CYLC2: variants seen among roughly 807,000 people sequenced by gnomAD.
CYLC2 encodes cylicin 2.
A neutral mutation model predicts 26.1 loss-of-function variants in CYLC2; 30 were observed. The ratio of observed to expected loss-of-function variants is 1.15; its 90% CI spans 0.86 to 1.56. CYLC2 has a LOEUF of 1.56. Among genes scored for constraint, CYLC2 ranks in the 40% most tolerant of loss-of-function variants. The probability of loss-of-function intolerance (pLI) is 0.00; values close to 1 mark genes in which losing one functional copy is unlikely to be tolerated. For missense variants in CYLC2, 498 were observed against 394.4 expected (o/e 1.26, Z -2.23); for synonymous variants, 158 against 132.8 (o/e 1.19, Z -1.31).
Position 103,005,496 on chromosome 9 carries a change from A to C in CYLC2, c.865A>C (p.Lys289Gln), listed in dbSNP as rs1829335641. The C allele has an allele frequency of 1.2e-6, 2 of 1,613,556 alleles. No individual in the cohort carries two copies. Among genetic ancestry groups the C allele is most frequent in the Non-Finnish European group, 1.7e-6 (2 of 1,179,816 alleles). ...STDSDSKDDV[K>Q]KESKKDATKD... ...AGACAGTGACTCAAAGGATGATGTC[A>C]AGAAAGAGTCTAAGAAGGACGCCAC... The change falls in exon 5 of 8, where the codon AAG becomes CAG. Residue 289 changes from lysine to glutamine, a missense_variant. Physicochemically the swap from Lys to Gln is moderately conservative, Grantham distance 53 (BLOSUM62 1). Transcript: ENST00000374798.
intron 1 of CYLC2, among the ~76,000 whole-genome samples, chr9:102,996,607 C>G (rs540440262): frequency 1.3e-5 from 2 of 152,038 alleles, no homozygotes; most frequent in African/African-American, 4.8e-5. Context: ...CAAGTGACAG[C>G]TCCCAATTCA....
rs866398500 is a variant in CYLC2, at chr9:103,013,206, T to A, written c.*816+1109T>A. Among the ~76,000 whole-genome samples, 637 of 131,326 alleles carry A rather than the reference T, an allele frequency of 4.9e-3. 7 individuals are homozygous for A. Among genetic ancestry groups the A allele is most frequent in the African/African-American group, 0.017 (596 of 35,468 alleles). The allele number at this position is 131,326 out of a possible 152,430, so 86.2% of individuals were successfully genotyped here. ...ATATATTATATATAACATATTAATG[T>A]TATATATTAATATGTATATTATAAA... On this transcript the variant is annotated intron_variant, in intron 6 of 7. Transcript: ENST00000374798.
chr9:103,001,388 T>C (rs1283527915), intron 1 of CYLC2, among the ~76,000 whole-genome samples, 190 bp from the exon 2 acceptor site: 1 of 151,814 alleles, frequency 6.6e-6, no homozygotes, highest in African/African-American at 2.4e-5. Context: ...TTTAGTACTG[T>C]TGTAATTTGA....
At chr9:103,010,164 A>C (rs1317046949) in intron 5 of CYLC2, among the ~76,000 whole-genome samples, 1 of 152,044 alleles carries the variant, frequency 6.6e-6, no homozygotes, top group Non-Finnish European at 1.5e-5. Context: ...GAATTTACTG[A>C]AAAAGTGCAT....
chr9:103,014,651 C>T (rs1829472470), intron 6 of CYLC2, among the ~76,000 whole-genome samples: 1 of 140,666 alleles, frequency 7.1e-6, no homozygotes, highest in African/African-American at 2.6e-5. Flanking sequence ...GTATATTATG[C>T]AGTATACACC....
rs1829279726 is a variant in CYLC2 at position 103,000,707 on chromosome 9, C to A, written c.18-871C>A. Among the ~76,000 whole-genome samples the A allele has an allele frequency of 3.3e-5, 5 of 151,978 alleles. No individual in the cohort carries two copies. In the South Asian group the frequency reaches 1.0e-3, roughly 32 times the overall value. On this transcript the variant is annotated intron_variant, in intron 1 of 7. Coordinates refer to ENST00000374798, the MANE Select transcript of CYLC2 (RefSeq NM_001340.5). ...AGATACTGCTTTTCTATGCTTAAACCTTAAGTTTTACACGCTGTCAAATAA... is the reference window on the plus strand; with the variant it reads ...AGATACTGCTTTTCTATGCTTAAACATTAAGTTTTACACGCTGTCAAATAA...
At position 103,003,102 on chromosome 9, in the gene CYLC2, T is replaced by A. The variant is rs1176811789; in HGVS notation, c.59-40T>A. 15 of 1,608,480 alleles carry A rather than the reference T, an allele frequency of 9.3e-6. No homozygotes were observed. The Admixed American group carries it at 1.7e-4, about 18-fold the overall frequency. On this transcript the variant is annotated intron_variant, in intron 2 of 7. Coordinates refer to ENST00000374798, the MANE Select transcript of CYLC2 (RefSeq NM_001340.5). ...TGCCATTTCAGCTCTGATGGAATTC[T>A]ATTCACTCCAAAATGTGTTTTTTGT...
In CYLC2 at chr9:103,015,349, TTATA is replaced by T. The variant is rs1225398516; in HGVS notation, c.*817-1534_*817-1531del. On this transcript the variant is annotated intron_variant, in intron 6 of 7. Transcript: ENST00000374798. ...TATACAATATATTATGTTATATATA[TTATA>T]TATAATCATATTATATAATGTAATA... is the stretch of plus-strand genomic sequence containing the variant. 4.7e-5 allele frequency among the ~76,000 whole-genome samples: 6 copies of T among 127,484 alleles called. No homozygotes were observed. In the East Asian group the frequency reaches 1.1e-3, roughly 23 times the overall value. The allele number at this position is 127,484 out of a possible 152,430, so 83.6% of individuals were successfully genotyped here. A position where few individuals can be genotyped will look rare whatever the true frequency, so the allele number is the denominator to read the frequency against.
rs776460013 is a variant in CYLC2 at position 103,011,947 on chromosome 9, C to CTTTTTTTTT, written c.*701-16_*701-8dup. ...AACTTGCTAATACTTAGATCATTCT[C>CTTTTTTTTT]TTTTTTTTTTTTTTTTTTTTTTTTT... On this transcript the variant is annotated intron_variant, in intron 5 of 7. Transcript: ENST00000374798. 2.5e-4 allele frequency: 16 copies of CTTTTTTTTT among 64,124 alleles called. 2 individuals carry two copies. Among genetic ancestry groups the CTTTTTTTTT allele is most frequent in the East Asian group, 1.0e-3 (2 of 1,936 alleles). The allele number at this position is 64,124 out of a possible 1,614,324, so 4.0% of individuals were successfully genotyped here.
At chr9:103,000,063 CAT>C (rs1829272904) in intron 1 of CYLC2, among the ~76,000 whole-genome samples, 1 of 151,666 alleles carries the variant, frequency 6.6e-6, no homozygotes, top group African/African-American at 2.4e-5. Context: ...TGATTTTAAA[CAT>C]TTTTTATAAT....
chr9:103,014,975 G>A (rs1396019815), intron 6 of CYLC2, among the ~76,000 whole-genome samples: 3 of 127,502 alleles, frequency 2.4e-5, no homozygotes, highest in Non-Finnish European at 4.9e-5. Flanking sequence ...ATATTATGTA[G>A]TATACATAAT....
In CYLC2 at chr9:103,006,017, GACACACAC is replaced by G. The variant is rs201304746; in HGVS notation, c.*387_*394del. ...TGAAGATAATGACACTAAATCTATG[GACACACAC>G]ACACACACACACACACACACACACA... On this transcript the variant is annotated 3_prime_UTR_variant, in exon 5 of 8. Coordinates refer to ENST00000374798, the MANE Select transcript of CYLC2 (RefSeq NM_001340.5). 5,353 of 119,910 alleles carry G rather than the reference GACACACAC, an allele frequency of 0.045. 143 individuals are homozygous for G. The highest frequency in any genetic ancestry group is 0.058 in the East Asian group (255 of 4,388). The allele number at this position is 119,910 out of a possible 1,614,324, so 7.4% of individuals were successfully genotyped here.
chr9:103,016,887 G>A lies in CYLC2; in HGVS notation c.*817-1G>A, dbSNP rs1051206305. 1.3e-5 allele frequency: 2 copies of A among 151,934 alleles called. No individual in the cohort carries two copies. The highest frequency in any genetic ancestry group is 4.8e-5 in the African/African-American group (2 of 41,426). 9.4% of individuals were successfully genotyped at this position (151,934 alleles called of 1,614,324 possible). The stretch of plus-strand genomic sequence containing the variant: ...AGAGATAAACTTTTTGTTTTTGAAA[G>A]GGAAGGAAAATAGCTGGCATTTCTT... On this transcript the variant is annotated splice_acceptor_variant, in intron 6 of 7. Transcript: ENST00000374798. LOFTEE classifies it low-confidence loss of function (3UTR_SPLICE).
chr9:103,017,080 C>G (rs1829515017), intron 7 of CYLC2, 119 bp downstream of exon 7: 1 of 151,154 alleles, frequency 6.6e-6, no homozygotes, highest in African/African-American at 2.4e-5. Context: ...TGTCCCATAC[C>G]TGCAATAAAA....
At position 103,001,568 on chromosome 9, in the gene CYLC2, G is replaced by A. The variant is rs1384413089; in HGVS notation, c.18-10G>A. 1 of 1,316,478 alleles carries A rather than the reference G, an allele frequency of 7.6e-7. No homozygotes were observed. Among genetic ancestry groups the A allele is most frequent in the Non-Finnish European group, 1.0e-6 (1 of 958,394 alleles). The allele number at this position is 1,316,478 out of a possible 1,614,324, so 81.5% of individuals were successfully genotyped here. A position where few individuals can be genotyped will look rare whatever the true frequency, so the allele number is the denominator to read the frequency against. On this transcript the variant is annotated splice_polypyrimidine_tract_variant and intron_variant, in intron 1 of 7. Coordinates refer to ENST00000374798, the MANE Select transcript of CYLC2 (RefSeq NM_001340.5). The stretch of plus-strand genomic sequence containing the variant: ...AAATTAACTAAAACCTTTCTTTTTT[G>A]TTTTAATAGCCAAAGAGTAAACTTT...
chr9:103,011,763 T>A (rs1380338556), intron 5 of CYLC2, among the ~76,000 whole-genome samples: 1 of 152,000 alleles, frequency 6.6e-6, no homozygotes, highest in Non-Finnish European at 1.5e-5. Flanking sequence ...ATAAACATCC[T>A]AAACTTATAT....
chr9:103,014,136 T>C (rs1829457603), intron 6 of CYLC2, among the ~76,000 whole-genome samples: 1 of 121,036 alleles, frequency 8.3e-6, no homozygotes, highest in African/African-American at 3.3e-5. Context: ...TATTATAATA[T>C]ATTAAATATA....
At chr9:102,995,535 A>T in intron 1 of CYLC2, 138 bp downstream of exon 1, 1 of 646,206 alleles carries the variant, frequency 1.5e-6, no homozygotes, top group Non-Finnish European at 2.7e-6. Flanking sequence ...GCAGACAAAG[A>T]TTCTCAAGCA....
intron 2 of CYLC2, among the ~76,000 whole-genome samples, chr9:103,002,642 G>A (rs565044289): frequency 6.6e-5 from 10 of 152,070 alleles, no homozygotes; most frequent in South Asian, 2.1e-4. Flanking sequence ...GTGAGCCACC[G>A]CGCCTGGCTG....
Sources: gnomAD v4.1 joint callset for allele counts (sites outside exome capture counted in the v4.1 genomes callset) on GRCh38, gnomAD v4.1.1 for gene constraint, MANE v1.5 for transcripts, NCBI Gene and HGNC (gene_info 2026-07-23, HGNC 2026-07-21) for gene names.